Variants in CD160 observed in about 807,000 individuals in gnomAD.
The protein encoded by CD160 is CD160 molecule, also known as CD160 antigen.
Under a neutral mutation model 19.2 loss-of-function variants are expected in CD160, and 11 were observed. The ratio of observed to expected loss-of-function variants is 0.57; its 90% CI spans 0.36 to 0.95. The LOEUF (loss-of-function observed/expected upper bound fraction) is 0.95. Among genes scored for constraint, CD160 ranks in the 40% least tolerant of loss-of-function variants. CD160 has a pLI of 0.01. For synonymous variants in CD160, 75 were observed against 81.1 expected, an observed-to-expected ratio of 0.93 and a Z score of 0.40; for missense variants, 182 against 213.2, an observed-to-expected ratio of 0.85 and a Z score of 0.91.
intron 3 of CD160, among the ~76,000 whole-genome samples, chr1:145,728,994 T>C (rs1332720138): frequency 6.6e-6 from 1 of 152,152 alleles, no homozygotes; most frequent in Non-Finnish European, 1.5e-5. Context: ...CTTCAGCAGC[T>C]AGTTTAACCA....
intron 1 of CD160, among the ~76,000 whole-genome samples, chr1:145,721,004 C>T (rs1656817791): frequency 1.3e-5 from 2 of 152,208 alleles, no homozygotes; most frequent in African/African-American, 4.8e-5. Flanking sequence ...AGGATGCCAA[C>T]TCCACGGGCA....
Position 145,733,582 on chromosome 1 carries a change from T to C in CD160, c.401-2415T>C. 2.0e-5 allele frequency among the ~76,000 whole-genome samples: 3 copies of C among 152,344 alleles called. No homozygotes were observed. In the East Asian group the frequency reaches 5.8e-4, roughly 29 times the overall value. ...AATTCAAATTTTCAACTTGTTTAGT[T>C]TGACTGACTTTGTTCCTTGCTTCCT... On this transcript the variant is annotated intron_variant, in intron 4 of 5. Coordinates refer to ENST00000369288, the MANE Select transcript of CD160 (RefSeq NM_007053.4).
intron 1 of CD160, among the ~76,000 whole-genome samples, chr1:145,722,651 G>T (rs1553707962): frequency 6.6e-6 from 1 of 152,192 alleles, no homozygotes; most frequent in African/African-American, 2.4e-5. Context: ...GAGTGCAGTA[G>T]CGCGATCTCA....
At chr1:145,728,501 C>CT (rs59357123) in intron 3 of CD160, 101 bp downstream of exon 3, 4,719 of 292,632 alleles carry the variant, frequency 0.016, 14 homozygotes, top group African/African-American at 0.031. Flanking sequence ...ACAAAGGACT[C>CT]TTTTTTTTTT....
In CD160 at chr1:145,733,429, C is replaced by T. The variant is rs146764325; in HGVS notation, c.400+2359C>T. Among the ~76,000 whole-genome samples the T allele has an allele frequency of 2.6e-3, 400 of 152,254 alleles. 2 individuals are homozygous for T. The highest frequency in any genetic ancestry group is 9.0e-3 in the African/African-American group (373 of 41,540). On this transcript the variant is annotated intron_variant, in intron 4 of 5. Transcript: ENST00000369288. Reference sequence around the variant, plus strand: ...TGCTGGGATTACAGGTGTGAGCCACCGTGCCTGGCCTATCTTACTTTTTAA... The same window carrying T: ...TGCTGGGATTACAGGTGTGAGCCACTGTGCCTGGCCTATCTTACTTTTTAA...
In CD160 at chr1:145,738,787, T is replaced by C. The variant is rs1553710617; in HGVS notation, c.*294T>C. On this transcript the variant is annotated 3_prime_UTR_variant, in exon 6 of 6. Coordinates refer to ENST00000369288, the MANE Select transcript of CD160 (RefSeq NM_007053.4). ...AGTCCTCAAATATCGGATAAATATA[T>C]GCGTTTTTGTACCCCAGAAAAACTT... 2 of 265,264 alleles carry C rather than the reference T, an allele frequency of 7.5e-6. No homozygotes were observed. The allele number at this position is 265,264 out of a possible 1,614,324, so 16.4% of individuals were successfully genotyped here. A position where few individuals can be genotyped will look rare whatever the true frequency, so the allele number is the denominator to read the frequency against.
Position 145,738,547 on chromosome 1 carries a change from T to C in CD160, c.*54T>C. On this transcript the variant is annotated 3_prime_UTR_variant, in exon 6 of 6. Transcript: ENST00000369288. ...AGCTACAGCAAGATGAGTCTGACTATGGCTTAGTATCTTTCTCATTACAAT... is the reference window on the plus strand; with the variant it reads ...AGCTACAGCAAGATGAGTCTGACTACGGCTTAGTATCTTTCTCATTACAAT... 1.7e-6 allele frequency: 2 copies of C among 1,197,116 alleles called. No individual in the cohort carries two copies. The highest frequency in any genetic ancestry group is 2.2e-6 in the Non-Finnish European group (2 of 915,338). 74.2% of individuals were successfully genotyped at this position (1,197,116 alleles called of 1,614,324 possible). A position where few individuals can be genotyped will look rare whatever the true frequency, so the allele number is the denominator to read the frequency against.
chr1:145,731,260 A>G (rs1293833891), intron 4 of CD160, among the ~76,000 whole-genome samples, 190 bp downstream of exon 4: 1 of 152,142 alleles, frequency 6.6e-6, no homozygotes, highest in Admixed American at 6.5e-5. Flanking sequence ...TTTGTCTTTA[A>G]TTTTAGAACT....
chr1:145,728,499 C>CTT, intron 3 of CD160, 99 bp downstream of exon 3: 1 of 447,516 alleles, frequency 2.2e-6, no homozygotes, highest in Non-Finnish European at 3.7e-6. Flanking sequence ...AAACAAAGGA[C>CTT]TCTTTTTTTT....
intron 1 of CD160, among the ~76,000 whole-genome samples, chr1:145,720,597 T>C (rs1656796033): frequency 6.6e-6 from 1 of 152,184 alleles, no homozygotes; most frequent in South Asian, 2.1e-4. Flanking sequence ...GGGAGATCTG[T>C]ATACAGAGGT....
chr1:145,727,864 A>C (rs1485255836), intron 2 of CD160, among the ~76,000 whole-genome samples: 1 of 152,198 alleles, frequency 6.6e-6, no homozygotes, highest in Non-Finnish European at 1.5e-5. Flanking sequence ...GTTAAAGTAC[A>C]GATAATACCC....
rs772176092 is a variant in CD160 at position 145,725,875 on chromosome 1, T to C, written c.-73+969T>C. ...AAAATAGAAAAGGAAGTAATTATCA[T>C]TATGTACACATAATATGATTGCATA... On this transcript the variant is annotated intron_variant, in intron 2 of 5. Transcript: ENST00000369288. Among the ~76,000 whole-genome samples, 152 of 152,244 alleles carry C rather than the reference T, an allele frequency of 1.0e-3. 2 individuals carry two copies. Among genetic ancestry groups the C allele is most frequent in the Non-Finnish European group, 5.7e-4 (39 of 68,020 alleles).
chr1:145,738,732 CAG>C lies in CD160; in HGVS notation c.*241_*242del, dbSNP rs1261800489. ...TCCCTCCTAAGCTCCAGTAAATAAACAGAACAGCTTTCACCAAAGTGGGTAGT... is the reference window on the plus strand; with the variant it reads ...TCCCTCCTAAGCTCCAGTAAATAAACAACAGCTTTCACCAAAGTGGGTAGT... On this transcript the variant is annotated 3_prime_UTR_variant, in exon 6 of 6. Transcript: ENST00000369288. The C allele has an allele frequency of 1.4e-5, 5 of 360,796 alleles. No individual in the cohort carries two copies. The highest frequency in any genetic ancestry group is 2.5e-5 in the Non-Finnish European group (5 of 200,776). The allele number at this position is 360,796 out of a possible 1,614,324, so 22.3% of individuals were successfully genotyped here.
At chr1:145,731,457 G>A (rs1315210493) in intron 4 of CD160, among the ~76,000 whole-genome samples, 1 of 152,068 alleles carries the variant, frequency 6.6e-6, no homozygotes, top group African/African-American at 2.4e-5. Flanking sequence ...GATCACCCGA[G>A]GTCAGGAGTT....
At chr1:145,732,504 T>C (rs1657335046) in intron 4 of CD160, among the ~76,000 whole-genome samples, 1 of 150,206 alleles carries the variant, frequency 6.7e-6, no homozygotes, top group African/African-American at 2.5e-5. Flanking sequence ...GGAGACACCA[T>C]CTCTAGTGGA....
rs199806288 is a variant in CD160, at chr1:145,728,369, C to T, written c.42C>T (p.Ile14=). Reference sequence around the variant, plus strand: ...GCAGAGGCTGCTGTGCCCTGGCCATCCTGCTGGCAATTGTGGACATCCAGT... The same window carrying T: ...GCAGAGGCTGCTGTGCCCTGGCCATTCTGCTGGCAATTGTGGACATCCAGT... ...EPGRGCCALA[I]LLAIVDIQSG... is the part of the protein sequence containing the mutation. The change falls in exon 3 of 6, where the codon ATC becomes ATT. Residue 14 remains isoleucine, a synonymous_variant. Transcript: ENST00000369288. 5 of 1,613,348 alleles carry T rather than the reference C, an allele frequency of 3.1e-6. No individual in the cohort carries two copies. The Admixed American group carries it at 6.7e-5, about 22-fold the overall frequency.
chr1:145,730,324 A>C (rs587699770), intron 3 of CD160, among the ~76,000 whole-genome samples: 1 of 152,262 alleles, frequency 6.6e-6, no homozygotes, highest in East Asian at 1.9e-4. Flanking sequence ...TGTTTTAAAA[A>C]AAAATTTTTT....
At chr1:145,735,852 C>T in intron 4 of CD160, 145 bp from the exon 5 acceptor site, 1 of 625,688 alleles carries the variant, frequency 1.6e-6, no homozygotes, top group Non-Finnish European at 2.8e-6. Flanking sequence ...TCATTACCCA[C>T]AATGTTAAAA....
chr1:145,731,108 C>T (rs376769052), intron 4 of CD160, 38 bp downstream of exon 4: 3 of 1,524,578 alleles, frequency 2.0e-6, no homozygotes, highest in Non-Finnish European at 1.8e-6. Flanking sequence ...CCAGGTGGGA[C>T]AGTGAGCAGG....
Sources: gnomAD v4.1 joint callset for allele counts (sites outside exome capture counted in the v4.1 genomes callset) on GRCh38, gnomAD v4.1.1 for gene constraint, MANE v1.5 for transcripts, NCBI Gene and HGNC (gene_info 2026-07-23, HGNC 2026-07-21) for gene names.